The following SLC35F1 variants were observed in gnomAD, a reference collection of about 807,000 sequenced individuals.
The protein encoded by SLC35F1 is chromosome 6 open reading frame 169.
A neutral mutation model predicts 48.7 loss-of-function variants in SLC35F1; 14 were observed. That is an observed-to-expected ratio of 0.29 (90% confidence interval 0.19 to 0.45). The LOEUF (loss-of-function observed/expected upper bound fraction) is 0.45. SLC35F1 is among the 20% of genes least tolerant of loss of function. The pLI is 1.00. For missense variants in SLC35F1, 404 were observed against 500.0 expected, an observed-to-expected ratio of 0.81 and a Z score of 1.83; for synonymous variants, 190 against 202.2, an observed-to-expected ratio of 0.94 and a Z score of 0.51.
intron 1 of SLC35F1, among the ~76,000 whole-genome samples, chr6:118,140,867 A>G (rs1773878983): frequency 7.0e-6 from 1 of 143,110 alleles, no homozygotes; most frequent in Admixed American, 6.9e-5. Flanking sequence ...AAGTAGAAAT[A>G]AGCTTATAGA....
chr6:118,279,905 T>C (rs1456519382), intron 6 of SLC35F1, among the ~76,000 whole-genome samples: 2 of 152,228 alleles, frequency 1.3e-5, no homozygotes, highest in African/African-American at 4.8e-5. Context: ...GGACAACTCA[T>C]GTGGTTGCCA....
chr6:118,065,161 G>T (rs183245173), intron 1 of SLC35F1, among the ~76,000 whole-genome samples: 96 of 152,250 alleles, frequency 6.3e-4, no homozygotes, highest in African/African-American at 2.1e-3. Context: ...ATCCATTAAT[G>T]TGATCACATG....
intron 1 of SLC35F1, among the ~76,000 whole-genome samples, chr6:118,093,743 G>A (rs760139111): frequency 2.0e-5 from 3 of 152,164 alleles, no homozygotes; most frequent in Non-Finnish European, 4.4e-5. Context: ...CCAAGAGAAT[G>A]AAATAGACAT....
chr6:118,003,488 G>C (rs1266878313), intron 1 of SLC35F1, among the ~76,000 whole-genome samples: 1 of 152,228 alleles, frequency 6.6e-6, no homozygotes, highest in Non-Finnish European at 1.5e-5. Flanking sequence ...GAGCTAGGTA[G>C]GTTGTCCTTA....
At chr6:118,203,776 G>T (rs1247701571) in intron 2 of SLC35F1, among the ~76,000 whole-genome samples, 1 of 152,196 alleles carries the variant, frequency 6.6e-6, no homozygotes, top group Non-Finnish European at 1.5e-5. Context: ...GCCATTTGCT[G>T]TGGTCCACTA....
At chr6:117,975,942 C>T (rs190574159) in intron 1 of SLC35F1, among the ~76,000 whole-genome samples, 2 of 152,302 alleles carry the variant, frequency 1.3e-5, no homozygotes, top group Non-Finnish European at 2.9e-5. Context: ...TAGATTATCA[C>T]GTCCTCCACT....
Position 118,043,895 on chromosome 6 carries a change from C to T in SLC35F1, c.174-110550C>T, listed in dbSNP as rs545870576. ...TTTCAAAATTGCTTTTAAATCAGGC[C>T]TTTTAGAGGAATCTGATTTTCCCTA... On this transcript the variant is annotated intron_variant, in intron 1 of 7. Transcript: ENST00000360388. Among the ~76,000 whole-genome samples, 4 of 152,234 alleles carry T rather than the reference C, an allele frequency of 2.6e-5. No individual in the cohort carries two copies. The East Asian group carries it at 7.7e-4, about 29-fold the overall frequency.
intron 1 of SLC35F1, among the ~76,000 whole-genome samples, chr6:117,936,662 T>A (rs1776166435): frequency 6.6e-6 from 1 of 152,170 alleles, no homozygotes; most frequent in African/African-American, 2.4e-5. Context: ...TTTAGGAAAT[T>A]GAGGTGGGAG....
intron 1 of SLC35F1, among the ~76,000 whole-genome samples, chr6:118,016,018 G>T (rs191305804): frequency 8.3e-4 from 127 of 152,262 alleles, no homozygotes; most frequent in African/African-American, 3.0e-3. Flanking sequence ...CCCTGGAGAT[G>T]ATTTTATTTC....
At chr6:118,172,182 T>C (rs955907969) in intron 2 of SLC35F1, among the ~76,000 whole-genome samples, 1 of 152,080 alleles carries the variant, frequency 6.6e-6, no homozygotes, top group African/African-American at 2.4e-5. Flanking sequence ...AAGACGATTC[T>C]TTTTGCTTAG....
intron 1 of SLC35F1, among the ~76,000 whole-genome samples, chr6:118,091,455 C>T (rs769697731): frequency 1.5e-4 from 23 of 152,220 alleles, no homozygotes; most frequent in Non-Finnish European, 3.1e-4. Flanking sequence ...CCTGCACACA[C>T]TTTCTTGCCT....
At chr6:118,149,608 G>A (rs1252966516) in intron 1 of SLC35F1, among the ~76,000 whole-genome samples, 1 of 152,180 alleles carries the variant, frequency 6.6e-6, no homozygotes, top group Non-Finnish European at 1.5e-5. Context: ...AAAGACTCAT[G>A]AACTAATCTG....
chr6:118,033,455 A>G (rs535930547), intron 1 of SLC35F1, among the ~76,000 whole-genome samples: 1 of 152,286 alleles, frequency 6.6e-6, no homozygotes, highest in East Asian at 1.9e-4. Flanking sequence ...CTGAGGCATT[A>G]TCTTTCCTTA....
At chr6:117,930,462 G>A (rs1776085792) in intron 1 of SLC35F1, among the ~76,000 whole-genome samples, 1 of 152,128 alleles carries the variant, frequency 6.6e-6, no homozygotes, top group Admixed American at 6.5e-5. Context: ...TGAAAGGAAA[G>A]CCCTAAACTA....
chr6:118,234,170 A>T (rs994013746), intron 2 of SLC35F1, among the ~76,000 whole-genome samples: 1 of 152,134 alleles, frequency 6.6e-6, no homozygotes, highest in Admixed American at 6.6e-5. Flanking sequence ...AGGACTAAAG[A>T]TGTGTGTCAC....
chr6:118,088,240 T>C (rs1218438132), intron 1 of SLC35F1, among the ~76,000 whole-genome samples: 1 of 152,232 alleles, frequency 6.6e-6, no homozygotes, highest in East Asian at 1.9e-4. Context: ...TATGGTGAAG[T>C]ATCCTTTTAT....
intron 7 of SLC35F1, among the ~76,000 whole-genome samples, chr6:118,295,077 G>A (rs1479459302): frequency 7.0e-6 from 1 of 142,640 alleles, no homozygotes; most frequent in African/African-American, 2.6e-5. Flanking sequence ...CAGGTGTAGA[G>A]CTCCACAGTC....
At chr6:118,031,939 C>T (rs1364902832) in intron 1 of SLC35F1, among the ~76,000 whole-genome samples, 5 of 152,166 alleles carry the variant, frequency 3.3e-5, no homozygotes, top group East Asian at 1.9e-4. Flanking sequence ...TGCCCTGTCC[C>T]TGTTTTCCCT....
intron 1 of SLC35F1, among the ~76,000 whole-genome samples, chr6:117,963,809 A>G (rs796927689): frequency 9.9e-5 from 15 of 152,080 alleles, no homozygotes; most frequent in South Asian, 4.2e-4. Flanking sequence ...AAATTAAATT[A>G]AATTTTAAGT....
Sources: allele counts gnomAD v4.1 joint callset (sites outside exome capture counted in the v4.1 genomes callset), GRCh38; gene constraint gnomAD v4.1.1; transcripts MANE v1.5; gene names NCBI Gene and HGNC (gene_info 2026-07-23, HGNC 2026-07-21).